The following SLC25A48 variants were observed in gnomAD, a reference collection of about 807,000 sequenced individuals.
SLC25A48 encodes the protein CTC-321K16.1.
A neutral mutation model predicts 32.2 loss-of-function variants in SLC25A48; 29 were observed. The observed-to-expected ratio is 0.90, with a 90% CI of 0.67 to 1.23. The LOEUF is 1.23. SLC25A48 is among the 50% of genes most tolerant of loss of function. The probability of loss-of-function intolerance (pLI) is 0.00; values close to 1 mark genes in which losing one functional copy is unlikely to be tolerated. For synonymous variants in SLC25A48, 164 were observed against 172.3 expected (o/e 0.95, Z 0.38); for missense variants, 399 against 422.7 (o/e 0.94, Z 0.49).
intron 2 of SLC25A48, among the ~76,000 whole-genome samples, chr5:135,632,001 T>G (rs1047500629): frequency 2.6e-5 from 4 of 152,240 alleles, no homozygotes; most frequent in Admixed American, 2.0e-4. Context: ...GTTGTTTTTC[T>G]TCAGAGCCCC....
intron 3 of SLC25A48, among the ~76,000 whole-genome samples, chr5:135,714,247 G>A (rs1754743043): frequency 6.6e-6 from 1 of 152,328 alleles, no homozygotes; most frequent in South Asian, 2.1e-4. Context: ...GGAGGTCTGA[G>A]TGCGGAAAGC....
chr5:135,840,145 G>A (rs1758872487), intron 1 of SLC25A48, among the ~76,000 whole-genome samples: 1 of 152,192 alleles, frequency 6.6e-6, no homozygotes, highest in Non-Finnish European at 1.5e-5. Flanking sequence ...AAAAGGTACA[G>A]TGTATTCATC....
intron 6 of SLC25A48, among the ~76,000 whole-genome samples, chr5:135,874,497 C>T (rs543588264): frequency 1.3e-5 from 2 of 152,328 alleles, no homozygotes; most frequent in Non-Finnish European, 2.9e-5. Flanking sequence ...CCCTTCCTCA[C>T]TCATGGCTCA....
intron 2 of SLC25A48, among the ~76,000 whole-genome samples, chr5:135,845,981 T>C (rs1243714645): frequency 6.6e-6 from 1 of 152,212 alleles, no homozygotes; most frequent in African/African-American, 2.4e-5. Flanking sequence ...CCAACTCCTA[T>C]ACCGTACCAG....
At position 135,602,598 on chromosome 5, in the gene SLC25A48, CTT is replaced by C. The variant is rs5871566; in HGVS notation, c.-849+23011_-849+23012del. ...GCCATCAGTCCTTGCATGGAGTTTT[CTT>C]TTTTTTTTTCTTTCTTTTTTTTTTT... On this transcript the variant is annotated intron_variant, in intron 1 of 10. Transcript: ENST00000646290. Among the ~76,000 whole-genome samples the C allele has an allele frequency of 7.1e-3, 1,020 of 143,490 alleles. 4 individuals carry two copies. The highest frequency in any genetic ancestry group is 0.025 in the Middle Eastern group (7 of 280). The allele number at this position is 143,490 out of a possible 152,430, so 94.1% of individuals were successfully genotyped here.
At chr5:135,845,084 G>A (rs1026748056) in intron 2 of SLC25A48, among the ~76,000 whole-genome samples, 18 of 152,172 alleles carry the variant, frequency 1.2e-4, no homozygotes, top group African/African-American at 3.4e-4. Flanking sequence ...TTATTTCCTC[G>A]CAAGTCAGGA....
intron 3 of SLC25A48, among the ~76,000 whole-genome samples, chr5:135,638,302 G>A (rs964627347): frequency 6.6e-6 from 1 of 152,136 alleles, no homozygotes; most frequent in Non-Finnish European, 1.5e-5. Context: ...CCGAAATTCT[G>A]TATTTTCTTG....
intron 1 of SLC25A48, among the ~76,000 whole-genome samples, chr5:135,586,939 G>T (rs1157146301): frequency 6.6e-6 from 1 of 152,182 alleles, no homozygotes; most frequent in African/African-American, 2.4e-5. Flanking sequence ...GCTGCTGGAC[G>T]AAAGAAGGAT....
intron 1 of SLC25A48, among the ~76,000 whole-genome samples, chr5:135,620,212 G>A (rs1752292052): frequency 6.6e-6 from 1 of 152,192 alleles, no homozygotes; most frequent in Admixed American, 6.5e-5. Context: ...GGTGGCAGTA[G>A]GTTGATTGGA....
intron 4 of SLC25A48, among the ~76,000 whole-genome samples, chr5:135,869,764 T>G (rs556423878): frequency 6.6e-6 from 1 of 152,214 alleles, no homozygotes; most frequent in Non-Finnish European, 1.5e-5. Flanking sequence ...AAGGCCATCA[T>G]GTCTGATCTT....
chr5:135,822,371 A>G lies in SLC25A48; in HGVS notation c.-117+9445A>G, dbSNP rs149319245. On this transcript the variant is annotated intron_variant, in intron 4 of 10. Coordinates refer to the SLC25A48 transcript ENST00000646290. ...AAACAACACACATTTATTCTTTCAC[A>G]GTTCTGAAGGCCAAAATTTCAAACT... 2.0e-3 allele frequency among the ~76,000 whole-genome samples: 311 copies of G among 152,314 alleles called. 1 individual carries two copies. The highest frequency in any genetic ancestry group is 7.0e-3 in the African/African-American group (290 of 41,574).
At chr5:135,688,038 C>G (rs1754056439) in intron 3 of SLC25A48, among the ~76,000 whole-genome samples, 1 of 6,972 alleles carries the variant, frequency 1.4e-4, no homozygotes, top group Non-Finnish European at 5.1e-4. Context: ...GTAATTCACC[C>G]CTTCCCCAGC....
At chr5:135,623,589 G>A (rs1032303792) in intron 1 of SLC25A48, among the ~76,000 whole-genome samples, 1 of 152,178 alleles carries the variant, frequency 6.6e-6, no homozygotes, top group East Asian at 1.9e-4. Flanking sequence ...CTTCACTTCA[G>A]TAGTCTGAGC....
At chr5:135,834,591 G>A (rs1284216940), upstream of SLC25A48, 1 of 462,634 alleles carries the variant, frequency 2.2e-6, no homozygotes, top group East Asian at 3.3e-5. Flanking sequence ...GCCGCGCGGA[G>A]CGCACCCTTA....
intron 3 of SLC25A48, among the ~76,000 whole-genome samples, chr5:135,646,542 T>G (rs555511435): frequency 4.7e-4 from 71 of 151,808 alleles, no homozygotes; most frequent in Admixed American, 1.3e-3. Flanking sequence ...CTCCATAAAG[T>G]TTTTGGAAGG....
In SLC25A48 at chr5:135,657,425, A is replaced by T. The variant is rs573972138; in HGVS notation, c.-521+22469A>T. On this transcript the variant is annotated intron_variant, in intron 3 of 10. Transcript: ENST00000646290. ...GTTTGTGAAATGCAAACTCTTGCAT[A>T]TTTTTATGGCACATGGCAGTCATAA... 4.6e-5 allele frequency among the ~76,000 whole-genome samples: 7 copies of T among 152,336 alleles called. No individual in the cohort carries two copies. In the East Asian group the frequency reaches 1.2e-3, roughly 25 times the overall value.
At position 135,881,727 on chromosome 5, in the gene SLC25A48, T is replaced by C. The variant is rs571368751; in HGVS notation, c.*7+1630T>C. On this transcript the variant is annotated intron_variant, in intron 7 of 7. Transcript: ENST00000681962. ...CAGGCATTTTTATTGTAGACAAAAA[T>C]AGAAAATTTAAATAAACAGAAAGAA... Among the ~76,000 whole-genome samples the C allele has an allele frequency of 4.4e-4, 67 of 152,256 alleles. 1 individual carries two copies. The highest frequency in any genetic ancestry group is 7.8e-4 in the Non-Finnish European group (53 of 68,016).
chr5:135,601,503 A>C (rs1315123969), intron 1 of SLC25A48, among the ~76,000 whole-genome samples: 1 of 152,108 alleles, frequency 6.6e-6, no homozygotes, highest in African/African-American at 2.4e-5. Flanking sequence ...ATTTGTCTTC[A>C]CCTTGTCTAC....
chr5:135,637,098 G>GT (rs1752722737), intron 3 of SLC25A48, among the ~76,000 whole-genome samples: 1 of 152,232 alleles, frequency 6.6e-6, no homozygotes, highest in African/African-American at 2.4e-5. Flanking sequence ...GATATGCACA[G>GT]TGAGTTAAAC....
Sources: gnomAD v4.1 joint callset for allele counts (sites outside exome capture counted in the v4.1 genomes callset) on GRCh38, gnomAD v4.1.1 for gene constraint, MANE v1.5 for transcripts, NCBI Gene and HGNC (gene_info 2026-07-23, HGNC 2026-07-21) for gene names.